TECRL: variants seen among roughly 807,000 people sequenced by gnomAD.
TECRL encodes trans-2,3-enoyl-CoA reductase like.
TECRL carries 63 observed loss-of-function variants against 52.8 expected under a neutral mutation model. That is an observed-to-expected ratio of 1.19 (90% CI 0.97 to 1.47). The LOEUF (loss-of-function observed/expected upper bound fraction) is 1.47, where lower values mean the gene tolerates loss of function less well. TECRL is among the 40% of genes most tolerant of loss of function. The pLI is 0.00. For missense variants in TECRL, 482 were observed against 429.6 expected, an observed-to-expected ratio of 1.12 and a Z score of -1.08; for synonymous variants, 164 against 141.9, an observed-to-expected ratio of 1.16 and a Z score of -1.10.
intron 2 of TECRL, among the ~76,000 whole-genome samples, chr4:64,330,922 A>G (rs2110050214): frequency 6.6e-6 from 1 of 152,240 alleles, no homozygotes; most frequent in East Asian, 1.9e-4. Context: ...GCATATAACT[A>G]TTATTCTTAG....
intron 4 of TECRL, among the ~76,000 whole-genome samples, chr4:64,316,040 T>C (rs540042614): frequency 6.6e-6 from 1 of 152,054 alleles, no homozygotes; most frequent in Admixed American, 6.6e-5. Flanking sequence ...GAATGTGTAA[T>C]GATAGAATGC....
chr4:64,393,204 G>A (rs1304243784), intron 1 of TECRL, among the ~76,000 whole-genome samples: 1 of 151,950 alleles, frequency 6.6e-6, no homozygotes, highest in African/African-American at 2.4e-5. Context: ...TTAAAGTAGA[G>A]GGGGGAAAAT....
At chr4:64,309,994 T>C in intron 5 of TECRL, 63 bp from the exon 6 acceptor site, 1 of 1,025,044 alleles carries the variant, frequency 9.8e-7, no homozygotes, top group South Asian at 1.6e-5. Context: ...GCCTCATGCA[T>C]GATACATTTT....
intron 4 of TECRL, 78 bp from the exon 5 acceptor site, chr4:64,314,841 C>T: frequency 1.0e-6 from 1 of 997,880 alleles, no homozygotes; most frequent in Non-Finnish European, 1.6e-6. Context: ...GAGTATTAGC[C>T]TACTGCATAA....
intron 1 of TECRL, among the ~76,000 whole-genome samples, chr4:64,377,843 C>T (rs911219000): frequency 1.3e-5 from 2 of 151,966 alleles, no homozygotes; most frequent in African/African-American, 4.8e-5. Context: ...CTTTTTAAAA[C>T]CGTATTTTAG....
intron 8 of TECRL, among the ~76,000 whole-genome samples, chr4:64,294,777 A>C (rs1241744365): frequency 6.6e-6 from 1 of 152,046 alleles, no homozygotes; most frequent in African/African-American, 2.4e-5. Flanking sequence ...AATAGTAATA[A>C]TAATAATTAT....
chr4:64,387,432 C>T (rs1185786318), intron 1 of TECRL, among the ~76,000 whole-genome samples: 2 of 152,088 alleles, frequency 1.3e-5, no homozygotes, highest in Non-Finnish European at 2.9e-5. Flanking sequence ...TACCAAGGAG[C>T]ATGACTGCTG....
At chr4:64,337,056 A>G (rs1436846421) in intron 2 of TECRL, among the ~76,000 whole-genome samples, 4 of 152,054 alleles carry the variant, frequency 2.6e-5, no homozygotes, top group Non-Finnish European at 5.9e-5. Flanking sequence ...CAATTCCTGG[A>G]TATCCTTGTT....
chr4:64,380,620 A>G (rs895470007), intron 1 of TECRL, among the ~76,000 whole-genome samples: 1 of 152,050 alleles, frequency 6.6e-6, no homozygotes, highest in African/African-American at 2.4e-5. Context: ...TTCTGCATAT[A>G]GATATCCAGT....
chr4:64,355,361 A>G (rs1015720542), intron 2 of TECRL, among the ~76,000 whole-genome samples: 1 of 152,100 alleles, frequency 6.6e-6, no homozygotes, highest in Non-Finnish European at 1.5e-5. Flanking sequence ...AGATGTTGCT[A>G]TGGAATTTTC....
chr4:64,325,302 T>C (rs907371562), intron 3 of TECRL, among the ~76,000 whole-genome samples: 3 of 152,224 alleles, frequency 2.0e-5, no homozygotes, highest in African/African-American at 7.2e-5. Flanking sequence ...CAGAAAGTAA[T>C]AATTGCCTTG....
rs147878821 is a variant in TECRL, at chr4:64,320,518, C to A, written c.435+2171G>T. 2.0e-3 allele frequency among the ~76,000 whole-genome samples: 297 copies of A among 152,068 alleles called. 1 individual carries two copies. The highest frequency in any genetic ancestry group is 6.8e-3 in the African/African-American group (283 of 41,554). On this transcript the variant is annotated intron_variant, in intron 4 of 11. Transcript: ENST00000381210. Reference sequence around the variant, plus strand: ...GATGTAGAAATATCCAGCCTATTTGCAGAGTTCTCTTTGTCACATAGATGA... The same window carrying A: ...GATGTAGAAATATCCAGCCTATTTGAAGAGTTCTCTTTGTCACATAGATGA...
intron 2 of TECRL, among the ~76,000 whole-genome samples, chr4:64,329,974 T>C (rs10084806): frequency 5.2e-4 from 78 of 150,116 alleles, no homozygotes; most frequent in African/African-American, 1.9e-3. Flanking sequence ...TATTGTACTA[T>C]TTACTGTACT....
chr4:64,391,959 AATG>A (rs1723577076), intron 1 of TECRL, among the ~76,000 whole-genome samples: 1 of 151,896 alleles, frequency 6.6e-6, no homozygotes, highest in African/African-American at 2.4e-5. Flanking sequence ...AATTTAATTG[AATG>A]CACCTGCTAG....
At position 64,353,998 on chromosome 4, in the gene TECRL, C is replaced by T. The variant is rs118154675; in HGVS notation, c.286+21174G>A. Among the ~76,000 whole-genome samples the T allele has an allele frequency of 2.6e-3, 400 of 152,088 alleles. 12 individuals are homozygous for T. The East Asian group carries it at 0.063, about 24-fold the overall frequency. On this transcript the variant is annotated intron_variant, in intron 2 of 11. Coordinates refer to ENST00000381210, the MANE Select transcript of TECRL (RefSeq NM_001010874.5). ...AATAAAACAAACAAACAAAATGAGT[C>T]AAAGAAAGGAATGGTATGCCACGTC...
At chr4:64,338,651 A>G (rs1719312053) in intron 2 of TECRL, among the ~76,000 whole-genome samples, 1 of 152,254 alleles carries the variant, frequency 6.6e-6, no homozygotes, top group South Asian at 2.1e-4. Flanking sequence ...TCAAAAGAAG[A>G]CATTTATGCA....
chr4:64,405,378 A>G (rs1417250921), intron 1 of TECRL, among the ~76,000 whole-genome samples: 1 of 152,114 alleles, frequency 6.6e-6, no homozygotes, highest in African/African-American at 2.4e-5. Context: ...TTTTGAAGCT[A>G]TTGCCAAGAA....
intron 2 of TECRL, among the ~76,000 whole-genome samples, chr4:64,337,766 T>G (rs1376799812): frequency 6.6e-6 from 1 of 151,794 alleles, no homozygotes; most frequent in East Asian, 1.9e-4. Flanking sequence ...CACTGCTCAA[T>G]GAAATAAAAG....
rs988505181 is a variant in TECRL at position 64,278,571 on chromosome 4, A to G, written c.*1501T>C. The G allele has an allele frequency of 1.3e-5, 2 of 158,602 alleles. No homozygotes were observed. The highest frequency in any genetic ancestry group is 6.6e-5 in the Admixed American group (1 of 15,266). 9.8% of individuals were successfully genotyped at this position (158,602 alleles called of 1,614,324 possible). On this transcript the variant is annotated 3_prime_UTR_variant, in exon 12 of 12. Coordinates refer to ENST00000381210, the MANE Select transcript of TECRL (RefSeq NM_001010874.5). ...TTATAGTGGTCAGATCAGAGAAATT[A>G]GAGTATCCATGGTTTCAAATATTTA...
Sources: allele counts gnomAD v4.1 joint callset (sites outside exome capture counted in the v4.1 genomes callset), GRCh38; gene constraint gnomAD v4.1.1; transcripts MANE v1.5; gene names NCBI Gene and HGNC (gene_info 2026-07-23, HGNC 2026-07-21).